HMGCLL1: variants seen among roughly 807,000 people sequenced by gnomAD.
HMGCLL1 encodes 3-hydroxy-3-methylglutaryl-CoA lyase like 1, also known as 3-hydroxymethyl-3-methylglutaryl-CoA lyase, cytoplasmic.
HMGCLL1 carries 36 observed loss-of-function variants against 39.1 expected under a neutral mutation model. That is an observed-to-expected ratio of 0.92 (90% confidence interval 0.71 to 1.22). The LOEUF is 1.22. HMGCLL1 is among the 50% of genes most tolerant of loss of function. The pLI is 0.00. For missense variants in HMGCLL1, 451 were observed against 416.5 expected (o/e 1.08, Z -0.72); for synonymous variants, 149 against 144.0 (o/e 1.03, Z -0.25).
At chr6:55,671,011 A>G in the HMGCLL1 span, among the ~76,000 whole-genome samples, 1 of 151,830 alleles carries the variant, frequency 6.6e-6, no homozygotes, top group African/African-American at 2.4e-5. Flanking sequence ...TATAGGCCTT[A>G]GAGAAAAGAA....
the HMGCLL1 span, among the ~76,000 whole-genome samples, chr6:55,661,435 C>T: frequency 0.013 from 2,001 of 152,010 alleles, 56 homozygotes; most frequent in African/African-American, 0.044. Flanking sequence ...CTGCCTATGG[C>T]TAGACAAGTA....
At chr6:55,651,215 G>A in the HMGCLL1 span, among the ~76,000 whole-genome samples, 25 of 152,200 alleles carry the variant, frequency 1.6e-4, no homozygotes, top group South Asian at 2.1e-4. Flanking sequence ...TTTCACTGGC[G>A]GTAATTCAGA....
chr6:55,676,532 C>T, the HMGCLL1 span, among the ~76,000 whole-genome samples: 1 of 152,164 alleles, frequency 6.6e-6, no homozygotes, highest in Non-Finnish European at 1.5e-5. Flanking sequence ...CTCACCCCTT[C>T]TCCATGGCCC....
chr6:55,439,453 T>G lies in HMGCLL1; in HGVS notation c.902A>C (p.Asn301Thr). The change falls in exon 8 of 9, where the codon AAT becomes ACT. Residue 301 changes from asparagine to threonine, a missense_variant. By Grantham distance (65) the Asn-to-Thr change is moderately conservative (BLOSUM62 0). Transcript: ENST00000274901. ...VATEDLIYML[N>T]GLGLNTGVNL... ...ACTTACTGTATTGAGCCCCAGGCCATTAAGCATATATATCAAATCCTCAGT... is the reference window on the plus strand; with the variant it reads ...ACTTACTGTATTGAGCCCCAGGCCAGTAAGCATATATATCAAATCCTCAGT... 1 of 1,612,606 alleles carries G rather than the reference T, an allele frequency of 6.2e-7. No homozygotes were observed. Among genetic ancestry groups the G allele is most frequent in the Non-Finnish European group, 8.5e-7 (1 of 1,178,994 alleles).
chr6:55,539,940 A>AGAAG lies in HMGCLL1; in HGVS notation c.297+1785_297+1788dup, dbSNP rs753957303. 7.2e-3 allele frequency among the ~76,000 whole-genome samples: 408 copies of AGAAG among 57,058 alleles called. 7 individuals carry two copies. The highest frequency in any genetic ancestry group is 0.012 in the East Asian group (19 of 1,568). The allele number at this position is 57,058 out of a possible 152,430, so 37.4% of individuals were successfully genotyped here. ...AAAGAAAAGGAGGATGAGGAGGAGG[A>AGAAG]GAAGGAAGGAAGGAAGGAAGGAAGG... On this transcript the variant is annotated intron_variant, in intron 3 of 8. Coordinates refer to ENST00000274901, the MANE Select transcript of HMGCLL1 (RefSeq NM_001042406.2).
chr6:55,505,355 T>G (rs1168171649), intron 5 of HMGCLL1, among the ~76,000 whole-genome samples: 1 of 151,710 alleles, frequency 6.6e-6, no homozygotes, highest in Non-Finnish European at 1.5e-5. Context: ...CCAGGAGTGA[T>G]GAAATTATAT....
intron 3 of HMGCLL1, among the ~76,000 whole-genome samples, chr6:55,528,287 C>A (rs769249957): frequency 1.3e-5 from 2 of 151,964 alleles, no homozygotes; most frequent in Non-Finnish European, 2.9e-5. Flanking sequence ...CAACACATGC[C>A]ATCGATTACT....
At chr6:55,596,479 T>C in the HMGCLL1 span, among the ~76,000 whole-genome samples, 4 of 152,188 alleles carry the variant, frequency 2.6e-5, no homozygotes, top group African/African-American at 9.7e-5. Flanking sequence ...TTATCTCTAA[T>C]GCAACAAGCT....
At chr6:55,550,455 A>G (rs541230611) in intron 1 of HMGCLL1, among the ~76,000 whole-genome samples, 6 of 152,028 alleles carry the variant, frequency 3.9e-5, no homozygotes, top group African/African-American at 9.7e-5. Context: ...TGAGTACATC[A>G]TAGTTCAACT....
At chr6:55,579,695 C>T (rs1223641013), upstream of HMGCLL1, among the ~76,000 whole-genome samples, 1 of 152,124 alleles carries the variant, frequency 6.6e-6, no homozygotes, top group African/African-American at 2.4e-5. Flanking sequence ...AGGTACGTTC[C>T]TAAATGAGAG....
At chr6:55,622,472 A>T in the HMGCLL1 span, among the ~76,000 whole-genome samples, 24,283 of 152,020 alleles carry the variant, frequency 0.16, 2,207 homozygotes, top group Non-Finnish European at 0.2. Context: ...GATGGTTTTT[A>T]TTATGAAGTA....
At chr6:55,649,916 A>G in the HMGCLL1 span, among the ~76,000 whole-genome samples, 1 of 150,988 alleles carries the variant, frequency 6.6e-6, no homozygotes, top group Non-Finnish European at 1.5e-5. Flanking sequence ...TTTCTACTTT[A>G]GAATTTCTGC....
intron 7 of HMGCLL1, among the ~76,000 whole-genome samples, chr6:55,477,387 A>T (rs1202205988): frequency 8.2e-4 from 15 of 18,374 alleles, no homozygotes; most frequent in South Asian, 2.9e-3. Flanking sequence ...TATATTATCT[A>T]AATATAATAT....
At chr6:55,530,067 G>T (rs901165200) in intron 3 of HMGCLL1, among the ~76,000 whole-genome samples, 1 of 84,920 alleles carries the variant, frequency 1.2e-5, no homozygotes, top group Non-Finnish European at 2.9e-5. Context: ...AGGATCTGGT[G>T]GGGGGTTGGG....
At chr6:55,443,329 T>G (rs1235256010) in intron 7 of HMGCLL1, among the ~76,000 whole-genome samples, 4 of 152,092 alleles carry the variant, frequency 2.6e-5, no homozygotes, top group African/African-American at 9.7e-5. Context: ...ATCAGCCGGA[T>G]AGATGAGAAA....
chr6:55,644,587 T>A, the HMGCLL1 span, among the ~76,000 whole-genome samples: 4 of 151,988 alleles, frequency 2.6e-5, no homozygotes, highest in Non-Finnish European at 5.9e-5. Flanking sequence ...AGGCAAGAGA[T>A]ACAAACCAAG....
the HMGCLL1 span, among the ~76,000 whole-genome samples, chr6:55,668,414 C>A: frequency 6.6e-6 from 1 of 151,920 alleles, no homozygotes; most frequent in Admixed American, 6.6e-5. Context: ...GCTTCTATTG[C>A]TTATGTTTAA....
chr6:55,678,292 C>G, the HMGCLL1 span, among the ~76,000 whole-genome samples: 32 of 152,292 alleles, frequency 2.1e-4, no homozygotes, highest in African/African-American at 7.7e-4. Context: ...TACAGCTACA[C>G]AGATTTTCTA....
At chr6:55,667,926 T>C in the HMGCLL1 span, among the ~76,000 whole-genome samples, 2 of 151,706 alleles carry the variant, frequency 1.3e-5, no homozygotes, top group African/African-American at 2.4e-5. Context: ...GATTTTTAAG[T>C]TGTTTTATGT....
Sources: allele counts gnomAD v4.1 joint callset (sites outside exome capture counted in the v4.1 genomes callset), GRCh38; gene constraint gnomAD v4.1.1; transcripts MANE v1.5; gene names NCBI Gene and HGNC (gene_info 2026-07-23, HGNC 2026-07-21).